The following TMEM132E variants were observed in gnomAD, a reference collection of about 807,000 sequenced individuals.
TMEM132E encodes transmembrane protein 132E.
In TMEM132E, 49 loss-of-function variants were observed where a neutral mutation model predicts 78.5. That is an observed-to-expected ratio of 0.62 (90% CI 0.50 to 0.79). TMEM132E has a LOEUF of 0.79. Ranked by LOEUF, TMEM132E falls within the 30% of genes least tolerant of loss-of-function variation. The pLI is 0.00. For synonymous variants in TMEM132E, 715 were observed against 670.6 expected, an observed-to-expected ratio of 1.07 and a Z score of -1.02; for missense variants, 1,403 against 1,470.9, an observed-to-expected ratio of 0.95 and a Z score of 0.75.
chr17:34,590,003 C>G (rs1016940144), intron 1 of TMEM132E, among the ~76,000 whole-genome samples: 1 of 152,204 alleles, frequency 6.6e-6, no homozygotes, highest in Non-Finnish European at 1.5e-5. Context: ...TCAGCCAGCC[C>G]CATGCATGAG....
chr17:34,617,440 G>A (rs372508260), intron 1 of TMEM132E, among the ~76,000 whole-genome samples: 1 of 152,234 alleles, frequency 6.6e-6, no homozygotes, highest in African/African-American at 2.4e-5. Flanking sequence ...AATGCACCAA[G>A]TGCAGGAGAA....
intron 1 of TMEM132E, among the ~76,000 whole-genome samples, chr17:34,617,773 T>C (rs1050793793): frequency 2.4e-4 from 37 of 152,142 alleles, no homozygotes; most frequent in African/African-American, 8.4e-4. Flanking sequence ...ATTTCCTCTT[T>C]AAAAAAAATT....
intron 1 of TMEM132E, among the ~76,000 whole-genome samples, chr17:34,610,385 G>A (rs1356472521): frequency 6.6e-6 from 1 of 152,182 alleles, no homozygotes; most frequent in African/African-American, 2.4e-5. Flanking sequence ...CAGGCTGCAT[G>A]GTGAAAGGCG....
intron 5 of TMEM132E, among the ~76,000 whole-genome samples, chr17:34,630,372 G>A (rs1306489844): frequency 1.3e-5 from 2 of 152,134 alleles, no homozygotes; most frequent in African/African-American, 4.8e-5. Flanking sequence ...CATTCTGAAA[G>A]GGTTGATTCT....
chr17:34,619,643 C>G (rs552247384), intron 1 of TMEM132E, among the ~76,000 whole-genome samples: 18 of 152,118 alleles, frequency 1.2e-4, no homozygotes, highest in Non-Finnish European at 2.1e-4. Flanking sequence ...TCTTCACCAA[C>G]CCTTCCTACT....
intron 1 of TMEM132E, among the ~76,000 whole-genome samples, chr17:34,615,742 T>C (rs760340352): frequency 1.3e-5 from 2 of 151,602 alleles, no homozygotes; most frequent in Non-Finnish European, 2.9e-5. Context: ...GGATTCGCAT[T>C]GGGTTCACAT....
chr17:34,613,221 G>GCA lies in TMEM132E; in HGVS notation c.68-12905_68-12904insAC, dbSNP rs1963133199. Among the ~76,000 whole-genome samples the GCA allele has an allele frequency of 4.2e-5, 6 of 144,350 alleles. No individual in the cohort carries two copies. The Admixed American group carries it at 4.5e-4, about 11-fold the overall frequency. 94.7% of individuals were successfully genotyped at this position (144,350 alleles called of 152,430 possible). ...CCCACACACACACACACGCGCGCGC[G>GCA]CGCGCGTTCTTACATTCTTTTTCCG... is the stretch of plus-strand genomic sequence containing the variant. On this transcript the variant is annotated intron_variant, in intron 1 of 8. Coordinates refer to ENST00000631683, the MANE Select transcript of TMEM132E (RefSeq NM_001304438.2).
In TMEM132E at chr17:34,638,259, C is replaced by T. The variant is rs562731042; in HGVS notation, c.*27C>T. On this transcript the variant is annotated 3_prime_UTR_variant, in exon 9 of 9. Transcript: ENST00000631683. ...GGCGCCAGCCGGAGTAGCAGGGACC[C>T]CCCCCCCCAACGGGGTCAGCTCGGG... 4.1e-6 allele frequency: 6 copies of T among 1,471,534 alleles called. No homozygotes were observed. The South Asian group carries it at 5.6e-5, about 14-fold the overall frequency. The allele number at this position is 1,471,534 out of a possible 1,614,324, so 91.2% of individuals were successfully genotyped here.
chr17:34,599,721 A>T (rs4795948), intron 1 of TMEM132E, among the ~76,000 whole-genome samples: 14,344 of 151,988 alleles, frequency 0.094, 1,012 homozygotes, highest in East Asian at 0.31. Flanking sequence ...GAGATTCTGA[A>T]TTCACTAATC....
chr17:34,630,240 C>A (rs371479044), intron 5 of TMEM132E, 89 bp downstream of exon 5: 1 of 1,414,168 alleles, frequency 7.1e-7, no homozygotes. Context: ...GTGGCTGACT[C>A]TTACTCATCC....
At chr17:34,632,609 T>C (rs1470276650) in intron 5 of TMEM132E, 95 bp from the exon 6 acceptor site, 1 of 1,351,830 alleles carries the variant, frequency 7.4e-7, no homozygotes, top group African/African-American at 1.4e-5. Context: ...CCTAGGACTT[T>C]CCCTCCAGCC....
At chr17:34,610,524 T>G (rs1597683531) in intron 1 of TMEM132E, among the ~76,000 whole-genome samples, 1 of 152,084 alleles carries the variant, frequency 6.6e-6, no homozygotes, top group Non-Finnish European at 1.5e-5. Context: ...CCCACCCTTG[T>G]GTAGTGGTCA....
Position 34,623,778 on chromosome 17 carries a change from C to T in TMEM132E, c.68-2349C>T, listed in dbSNP as rs1374981066. On this transcript the variant is annotated intron_variant, in intron 1 of 8. Coordinates refer to ENST00000631683, the MANE Select transcript of TMEM132E (RefSeq NM_001304438.2). ...CAGTTGGTTCGCCTGCTTGCTGCTG[C>T]TTCCAAAGCAGGGTCCAAATGTGGA... is the stretch of plus-strand genomic sequence containing the variant. 3.3e-5 allele frequency among the ~76,000 whole-genome samples: 5 copies of T among 152,220 alleles called. No homozygotes were observed. The South Asian group carries it at 8.3e-4, about 25-fold the overall frequency.
At chr17:34,592,428 C>G (rs1905904106) in intron 1 of TMEM132E, among the ~76,000 whole-genome samples, 1 of 152,224 alleles carries the variant, frequency 6.6e-6, no homozygotes, top group South Asian at 2.1e-4. Context: ...CAGGACAGCA[C>G]TGCCATTGCC....
intron 7 of TMEM132E, 68 bp from the exon 8 acceptor site, chr17:34,635,939 G>A: frequency 7.6e-7 from 1 of 1,312,116 alleles, no homozygotes; most frequent in Non-Finnish European, 9.8e-7. Context: ...TTTCTCCCTA[G>A]CTGGGGGTCT....
intron 1 of TMEM132E, among the ~76,000 whole-genome samples, chr17:34,597,642 C>T (rs1906104271): frequency 2.0e-5 from 3 of 152,134 alleles, no homozygotes; most frequent in Admixed American, 1.3e-4. Flanking sequence ...GGAGGTGAAC[C>T]CAGCCTCAGC....
At chr17:34,608,092 G>T (rs1393788040) in intron 1 of TMEM132E, among the ~76,000 whole-genome samples, 1 of 152,176 alleles carries the variant, frequency 6.6e-6, no homozygotes, top group Non-Finnish European at 1.5e-5. Flanking sequence ...TCACAAGCTG[G>T]TTCCCCTGGC....
At position 34,632,697 on chromosome 17, in the gene TMEM132E, C is replaced by T; in HGVS notation, c.1483-7C>T. On this transcript the variant is annotated splice_polypyrimidine_tract_variant and splice_region_variant and intron_variant, in intron 5 of 8. Coordinates refer to ENST00000631683, the MANE Select transcript of TMEM132E (RefSeq NM_001304438.2). Reference sequence around the variant, plus strand: ...AAGATGTGCCAACTGTTCCTCCCTTCCCCCAGGTATCCAGCAGCTGTGACT... The same window carrying T: ...AAGATGTGCCAACTGTTCCTCCCTTTCCCCAGGTATCCAGCAGCTGTGACT... 6.2e-7 allele frequency: 1 copy of T among 1,614,094 alleles called. No homozygotes were observed. Among genetic ancestry groups the T allele is most frequent in the East Asian group, 2.2e-5 (1 of 44,872 alleles).
intron 2 of TMEM132E, among the ~76,000 whole-genome samples, chr17:34,627,505 T>TGTG (rs59547151): frequency 4.0e-5 from 6 of 148,948 alleles, no homozygotes; most frequent in Admixed American, 6.7e-5. Context: ...TGTGTGTGTG[T>TGTG]TTTGGGACAT....
Sources: gnomAD v4.1 joint callset for allele counts (sites outside exome capture counted in the v4.1 genomes callset) on GRCh38, gnomAD v4.1.1 for gene constraint, MANE v1.5 for transcripts, NCBI Gene and HGNC (gene_info 2026-07-23, HGNC 2026-07-21) for gene names.